Variants in SLC16A12 observed in about 807,000 individuals in gnomAD.
The protein encoded by SLC16A12 is monocarboxylate transporter 12.
A neutral mutation model predicts 42.4 loss-of-function variants in SLC16A12; 17 were observed. The ratio of observed to expected loss-of-function variants is 0.40; its 90% CI spans 0.27 to 0.60. SLC16A12 has a LOEUF of 0.60. SLC16A12 is among the 20% of genes least tolerant of loss of function. SLC16A12 has a pLI of 0.42. For missense variants in SLC16A12, 544 were observed against 623.0 expected, an observed-to-expected ratio of 0.87 and a Z score of 1.35; for synonymous variants, 224 against 229.4, an observed-to-expected ratio of 0.98 and a Z score of 0.21.
chr10:89,546,868 A>G (rs149968308), intron 2 of SLC16A12, among the ~76,000 whole-genome samples: 82 of 152,328 alleles, frequency 5.4e-4, no homozygotes, highest in African/African-American at 1.7e-3. Context: ...AAGGAATGAG[A>G]TAATGTTTTT....
At chr10:89,460,207 T>C (rs983724519) in intron 3 of SLC16A12, among the ~76,000 whole-genome samples, 1 of 152,176 alleles carries the variant, frequency 6.6e-6, no homozygotes, top group African/African-American at 2.4e-5. Flanking sequence ...ATGGGAATGA[T>C]GGAAGCTTCT....
intron 4 of SLC16A12, among the ~76,000 whole-genome samples, chr10:89,443,319 A>T (rs1841945134): frequency 6.6e-6 from 1 of 152,238 alleles, no homozygotes; most frequent in South Asian, 2.1e-4. Flanking sequence ...GTGATACAAC[A>T]CTGTTGGCAC....
chr10:89,483,748 A>C (rs1031018757), intron 2 of SLC16A12, among the ~76,000 whole-genome samples: 3 of 149,428 alleles, frequency 2.0e-5, no homozygotes, highest in Non-Finnish European at 3.0e-5. Flanking sequence ...TAAAAAAAAA[A>C]AAAAACAAAA....
chr10:89,492,555 G>A (rs1259916570), intron 2 of SLC16A12, among the ~76,000 whole-genome samples: 3 of 152,170 alleles, frequency 2.0e-5, no homozygotes, highest in Admixed American at 2.0e-4. Flanking sequence ...CCTGATAAAC[G>A]TGGAGAAACC....
At chr10:89,526,725 A>C (rs925282139) in intron 2 of SLC16A12, among the ~76,000 whole-genome samples, 3 of 152,262 alleles carry the variant, frequency 2.0e-5, no homozygotes, top group Non-Finnish European at 4.4e-5. Flanking sequence ...GCCACCAGAA[A>C]GGAGCCCAAA....
intron 2 of SLC16A12, among the ~76,000 whole-genome samples, chr10:89,486,603 AAAAGAAAGAAAGAAAGAAAGAAAGAAAG>A (rs141642264): frequency 3.3e-4 from 23 of 70,412 alleles, no homozygotes; most frequent in African/African-American, 1.1e-3. Context: ...AAAAAAAAAA[AAAAGAAAGAAAGAAAGAAAGAAAGAAAG>A]AAAGAAAGAA....
At chr10:89,480,353 C>T (rs1271248183) in intron 2 of SLC16A12, among the ~76,000 whole-genome samples, 2 of 152,204 alleles carry the variant, frequency 1.3e-5, no homozygotes, top group East Asian at 3.8e-4. Flanking sequence ...CTGCTGTGTA[C>T]ATTGCAGTGA....
chr10:89,547,237 C>A (rs1297951026), intron 2 of SLC16A12, among the ~76,000 whole-genome samples: 1 of 152,124 alleles, frequency 6.6e-6, no homozygotes, highest in East Asian at 1.9e-4. Context: ...AAAGTTTTTG[C>A]AAACACATTA....
chr10:89,525,363 G>A (rs1843432573), intron 2 of SLC16A12, among the ~76,000 whole-genome samples: 1 of 152,066 alleles, frequency 6.6e-6, no homozygotes, highest in Non-Finnish European at 1.5e-5. Flanking sequence ...TACCAATTTG[G>A]GTCCATCAGT....
At position 89,443,839 on chromosome 10, in the gene SLC16A12, A is replaced by G. The variant is rs1841955307; in HGVS notation, c.221T>C (p.Val74Ala). 3.1e-6 allele frequency: 5 copies of G among 1,612,690 alleles called. No homozygotes were observed. The African/African-American group carries it at 6.7e-5, about 22-fold the overall frequency. The change falls in exon 4 of 8, where the codon GTG becomes GCG. Residue 74 changes from valine to alanine, a missense_variant. Physicochemically the swap from Val to Ala is moderately conservative, Grantham distance 64. Transcript: ENST00000371790. ...AVTRCISIFF[V>A]EFQTYFTQDY... is the part of the protein sequence containing the mutation. ...CTGAGTGAAGTATGTCTGGAACTCC[A>G]CAAAAAAAATTGAGATACATCTGAA...
At chr10:89,492,811 C>T (rs962701699) in intron 2 of SLC16A12, among the ~76,000 whole-genome samples, 2 of 151,900 alleles carry the variant, frequency 1.3e-5, no homozygotes, top group Non-Finnish European at 2.9e-5. Flanking sequence ...TAGTCATCTC[C>T]TGCCTTTGTC....
chr10:89,450,595 T>TG (rs1349225719), intron 3 of SLC16A12, among the ~76,000 whole-genome samples: 1 of 152,042 alleles, frequency 6.6e-6, no homozygotes, highest in Non-Finnish European at 1.5e-5. Context: ...CGGCACACAC[T>TG]GGGGCCTGTC....
chr10:89,449,850 A>G (rs1489419057), intron 3 of SLC16A12, among the ~76,000 whole-genome samples: 1 of 152,218 alleles, frequency 6.6e-6, no homozygotes, highest in African/African-American at 2.4e-5. Context: ...AATTTTTGCA[A>G]TCCAGTCATC....
intron 3 of SLC16A12, among the ~76,000 whole-genome samples, chr10:89,446,328 A>G (rs2133703644): frequency 6.6e-6 from 1 of 152,338 alleles, no homozygotes; most frequent in Admixed American, 6.5e-5. Flanking sequence ...TGTTGAAATG[A>G]AGGAAAAAAT....
chr10:89,475,348 G>A (rs958578349), intron 2 of SLC16A12, among the ~76,000 whole-genome samples: 5 of 152,126 alleles, frequency 3.3e-5, no homozygotes, highest in Non-Finnish European at 5.9e-5. Flanking sequence ...GGGACTGAAC[G>A]TGGGAGGGAA....
chr10:89,488,959 A>G (rs1288609893), intron 2 of SLC16A12, among the ~76,000 whole-genome samples: 6 of 152,214 alleles, frequency 3.9e-5, no homozygotes, highest in Non-Finnish European at 5.9e-5. Flanking sequence ...GTACAGCTTC[A>G]GGGAGAGTTC....
At chr10:89,544,996 T>G (rs887837779) in intron 2 of SLC16A12, among the ~76,000 whole-genome samples, 1 of 152,230 alleles carries the variant, frequency 6.6e-6, no homozygotes, top group Non-Finnish European at 1.5e-5. Context: ...AGTGGGCCAA[T>G]TCTGAGTCTA....
At chr10:89,518,764 A>T (rs887462580) in intron 2 of SLC16A12, among the ~76,000 whole-genome samples, 3 of 151,954 alleles carry the variant, frequency 2.0e-5, no homozygotes, top group Non-Finnish European at 4.4e-5. Context: ...GCCCCCAAAG[A>T]GCACTCTCTT....
At chr10:89,472,739 T>A (rs1445957654) in intron 2 of SLC16A12, among the ~76,000 whole-genome samples, 1 of 152,010 alleles carries the variant, frequency 6.6e-6, no homozygotes, top group Non-Finnish European at 1.5e-5. Flanking sequence ...GGGATCCACC[T>A]GCCTTGGCCT....
Sources: allele counts gnomAD v4.1 joint callset (sites outside exome capture counted in the v4.1 genomes callset), GRCh38; gene constraint gnomAD v4.1.1; transcripts MANE v1.5; gene names NCBI Gene and HGNC (gene_info 2026-07-23, HGNC 2026-07-21).